CCDC93: variants seen among roughly 807,000 people sequenced by gnomAD.
CCDC93 encodes coiled-coil domain-containing protein 93.
A neutral mutation model predicts 108.2 loss-of-function variants in CCDC93; 61 were observed. The observed-to-expected ratio is 0.56, with a 90% CI of 0.46 to 0.70. The LOEUF is 0.70. Ranked by LOEUF, CCDC93 falls within the 30% of genes least tolerant of loss-of-function variation. The pLI, the probability that CCDC93 is intolerant of heterozygous loss-of-function variation, is 0.00. For synonymous variants in CCDC93, 276 were observed against 260.4 expected (o/e 1.06, Z -0.58); for missense variants, 685 against 764.2 (o/e 0.90, Z 1.22).
rs937385001 is a variant in CCDC93 at position 117,916,065 on chromosome 2, C to G, written c.*4278G>C. 2.6e-5 allele frequency: 4 copies of G among 152,172 alleles called. No individual in the cohort carries two copies. Among genetic ancestry groups the G allele is most frequent in the African/African-American group, 7.2e-5 (3 of 41,436 alleles). 9.4% of individuals were successfully genotyped at this position (152,172 alleles called of 1,614,324 possible). ...ACACAGGTACAATTCTTAGGAGTAG[C>G]ATTGCTAGTTCAAAGAGCTTATGCA... On this transcript the variant is annotated 3_prime_UTR_variant, in exon 24 of 24. Coordinates refer to ENST00000376300, the MANE Select transcript of CCDC93 (RefSeq NM_019044.5).
intron 23 of CCDC93, among the ~76,000 whole-genome samples, chr2:117,929,889 C>G (rs574323731): frequency 1.2e-3 from 181 of 152,328 alleles, no homozygotes; most frequent in Middle Eastern, 3.4e-3. Context: ...ACTACCTAAA[C>G]CAGTCTCCTC....
At chr2:117,984,715 T>C (rs778288259) in intron 7 of CCDC93, among the ~76,000 whole-genome samples, 1 of 152,160 alleles carries the variant, frequency 6.6e-6, no homozygotes, top group Admixed American at 6.5e-5. Flanking sequence ...AACTTCTTCA[T>C]TCTGGGACAC....
rs532972842 is a variant in CCDC93 at position 117,957,348 on chromosome 2, G to C, written c.1005+1017C>G. ...CTACTTTTCAGGGCAAATATATGAA[G>C]GTCTTTCCAAAACAGTCTCATATCA... On this transcript the variant is annotated intron_variant, in intron 12 of 23. Transcript: ENST00000376300. 2.0e-5 allele frequency among the ~76,000 whole-genome samples: 3 copies of C among 152,222 alleles called. No individual in the cohort carries two copies. In the South Asian group the frequency reaches 6.2e-4, roughly 32 times the overall value.
At chr2:117,963,807 C>T (rs749898490) in intron 11 of CCDC93, among the ~76,000 whole-genome samples, 49 of 152,244 alleles carry the variant, frequency 3.2e-4, no homozygotes, top group African/African-American at 1.1e-3. Context: ...ACAGTTTTTT[C>T]ATTTTTCTTA....
intron 6 of CCDC93, among the ~76,000 whole-genome samples, chr2:117,993,773 G>C (rs892230399): frequency 6.6e-6 from 1 of 152,088 alleles, no homozygotes; most frequent in Admixed American, 6.5e-5. Flanking sequence ...TTGCTCTGTC[G>C]CCCAGTCTGG....
At chr2:117,983,630 T>TTTTATATATATA (rs1262707425) in intron 7 of CCDC93, among the ~76,000 whole-genome samples, 3 of 98,606 alleles carry the variant, frequency 3.0e-5, no homozygotes, top group African/African-American at 9.7e-5. Context: ...CTGCTCAAAA[T>TTTTATATATATA]TATATATATA....
At chr2:117,984,522 G>GA (rs1255427482) in intron 7 of CCDC93, among the ~76,000 whole-genome samples, 3 of 152,140 alleles carry the variant, frequency 2.0e-5, no homozygotes, top group African/African-American at 7.2e-5. Context: ...GATCCCATTT[G>GA]AACCTGAGAA....
At chr2:117,943,246 G>A (rs1678762702) in intron 18 of CCDC93, among the ~76,000 whole-genome samples, 1 of 152,242 alleles carries the variant, frequency 6.6e-6, no homozygotes, top group Non-Finnish European at 1.5e-5. Context: ...TAGCCAGCAT[G>A]TCCAGGAGAT....
At chr2:117,965,768 A>G (rs576304073) in intron 11 of CCDC93, among the ~76,000 whole-genome samples, 1 of 151,870 alleles carries the variant, frequency 6.6e-6, no homozygotes, top group East Asian at 1.9e-4. Flanking sequence ...TGCCCCCTAC[A>G]CCTGACACTG....
intron 23 of CCDC93, 141 bp from the exon 24 acceptor site, chr2:117,920,537 G>T: frequency 2.0e-6 from 1 of 506,784 alleles, no homozygotes; most frequent in Non-Finnish European, 3.6e-6. Flanking sequence ...CTGCCGCCAG[G>T]ATGGTGAAGC....
intron 22 of CCDC93, among the ~76,000 whole-genome samples, chr2:117,933,786 C>G (rs940751348): frequency 6.6e-6 from 1 of 151,890 alleles, no homozygotes; most frequent in Non-Finnish European, 1.5e-5. Context: ...TATCAACATT[C>G]AACATTCAAA....
intron 7 of CCDC93, among the ~76,000 whole-genome samples, chr2:117,979,999 G>A (rs1337324612): frequency 6.6e-6 from 1 of 152,128 alleles, no homozygotes; most frequent in Non-Finnish European, 1.5e-5. Context: ...GAAACAGCCA[G>A]GTTCTGGGGC....
At chr2:117,927,678 T>TA (rs1359087941) in intron 23 of CCDC93, among the ~76,000 whole-genome samples, 10 of 152,222 alleles carry the variant, frequency 6.6e-5, no homozygotes, top group Admixed American at 3.3e-4. Flanking sequence ...AAAATGGCCA[T>TA]ACTGCCCAAG....
chr2:118,008,545 C>T lies in CCDC93; in HGVS notation c.156G>A (p.Lys52=), dbSNP rs779220055. The change falls in exon 2 of 24, where the codon AAG becomes AAA. Residue 52 remains lysine (K), a splice_region_variant and synonymous_variant. Coordinates refer to ENST00000376300, the MANE Select transcript of CCDC93 (RefSeq NM_019044.5). ...AATGGTTAGAAAGATTTCCCCTTAC[C>T]TTGTCAAAGGGTGATAAGCCTTTAA... ...ARIKGLSPFD[K]VVGGMTWCIT... 8 of 1,556,010 alleles carry T rather than the reference C, an allele frequency of 5.1e-6. No homozygotes were observed. In the South Asian group the frequency reaches 9.0e-5, roughly 18 times the overall value.
intron 11 of CCDC93, among the ~76,000 whole-genome samples, chr2:117,960,334 T>G (rs1679347135): frequency 6.6e-6 from 1 of 152,216 alleles, no homozygotes; most frequent in Admixed American, 6.5e-5. Context: ...GCTTCGAGAC[T>G]GAGACGTGGG....
chr2:117,935,885 CATT>C (rs1271041767), intron 21 of CCDC93: 1 of 241,294 alleles, frequency 4.1e-6, no homozygotes, highest in Admixed American at 5.5e-5. Context: ...TTAACAAAAA[CATT>C]ATTTATTTGA....
chr2:117,941,320 G>A, intron 18 of CCDC93, 23 bp from the exon 19 acceptor site: 5 of 1,587,604 alleles, frequency 3.1e-6, no homozygotes, highest in Non-Finnish European at 4.3e-6. Flanking sequence ...GGGAGACAGA[G>A]ACAGTACTAT....
Position 117,935,594 on chromosome 2 carries a change from A to G in CCDC93, c.1644-15T>C. 1 of 1,600,142 alleles carries G rather than the reference A, an allele frequency of 6.2e-7. No homozygotes were observed. The highest frequency in any genetic ancestry group is 8.6e-7 in the Non-Finnish European group (1 of 1,167,384). The stretch of plus-strand genomic sequence containing the variant: ...AGGCCATGGCCCTGAAAGAAAAACC[A>G]GTAGAGTTATGACCGGCACACAGGA... On this transcript the variant is annotated splice_polypyrimidine_tract_variant and intron_variant, in intron 21 of 23. Transcript: ENST00000376300.
intron 20 of CCDC93, among the ~76,000 whole-genome samples, chr2:117,937,670 T>C (rs1168688556): frequency 6.6e-6 from 1 of 152,208 alleles, no homozygotes; most frequent in Non-Finnish European, 1.5e-5. Context: ...TTTAAGGTCT[T>C]TGGGAAGGGG....
Sources: allele counts gnomAD v4.1 joint callset (sites outside exome capture counted in the v4.1 genomes callset), GRCh38; gene constraint gnomAD v4.1.1; transcripts MANE v1.5; gene names NCBI Gene and HGNC (gene_info 2026-07-23, HGNC 2026-07-21).